XKR4: variants seen among roughly 807,000 people sequenced by gnomAD.
XKR4 encodes the protein XK-related protein 4.
A neutral mutation model predicts 53.9 loss-of-function variants in XKR4; 12 were observed. That is an observed-to-expected ratio of 0.22 (90% CI 0.14 to 0.36). The LOEUF (loss-of-function observed/expected upper bound fraction) is 0.36, where lower values mean the gene tolerates loss of function less well. Among genes scored for constraint, XKR4 ranks in the 10% least tolerant of loss-of-function variants. The pLI, the probability that XKR4 is intolerant of heterozygous loss-of-function variation, is 1.00. For missense variants in XKR4, 799 were observed against 859.5 expected (o/e 0.93, Z 0.88); for synonymous variants, 354 against 362.4 (o/e 0.98, Z 0.26).
chr8:55,342,333 T>C (rs1018471932), intron 1 of XKR4, among the ~76,000 whole-genome samples: 2 of 152,078 alleles, frequency 1.3e-5, no homozygotes, highest in Non-Finnish European at 2.9e-5. Flanking sequence ...ACAACCATCA[T>C]CACTTGCCAG....
rs909443680 is a variant in XKR4 at position 55,454,198 on chromosome 8, C to T, written c.1007-69083C>T. On this transcript the variant is annotated intron_variant, in intron 2 of 2. Coordinates refer to ENST00000327381, the MANE Select transcript of XKR4 (RefSeq NM_052898.2). Reference sequence around the variant, plus strand: ...GCGTCTGACTCTGCAGTGGCTCTAGCAAGGGTGGAATGTGCACACACTCAG... The same window carrying T: ...GCGTCTGACTCTGCAGTGGCTCTAGTAAGGGTGGAATGTGCACACACTCAG... 13 of 1,043,598 alleles carry T rather than the reference C, an allele frequency of 1.2e-5. No homozygotes were observed. In the East Asian group the frequency reaches 3.1e-4, roughly 25 times the overall value. The allele number at this position is 1,043,598 out of a possible 1,614,324, so 64.6% of individuals were successfully genotyped here. A position where few individuals can be genotyped will look rare whatever the true frequency, so the allele number is the denominator to read the frequency against.
chr8:55,495,544 C>A (rs1053427722), intron 2 of XKR4, among the ~76,000 whole-genome samples: 1 of 152,230 alleles, frequency 6.6e-6, no homozygotes, highest in Non-Finnish European at 1.5e-5. Flanking sequence ...CTCAGCCCAG[C>A]CCCATCACAG....
chr8:55,428,841 G>A (rs572634222), intron 2 of XKR4, among the ~76,000 whole-genome samples: 17 of 152,310 alleles, frequency 1.1e-4, no homozygotes, highest in African/African-American at 3.1e-4. Context: ...TAGCAAAGTC[G>A]TCAATTCTTC....
intron 2 of XKR4, among the ~76,000 whole-genome samples, chr8:55,464,263 A>G (rs1805717417): frequency 6.6e-6 from 1 of 152,168 alleles, no homozygotes; most frequent in African/African-American, 2.4e-5. Context: ...CAACACATCA[A>G]AAAGCTTATC....
At chr8:55,327,986 A>G (rs1803319075) in intron 1 of XKR4, among the ~76,000 whole-genome samples, 1 of 151,844 alleles carries the variant, frequency 6.6e-6, no homozygotes, top group Admixed American at 6.6e-5. Flanking sequence ...TCACATTCTT[A>G]TGGTTATTTG....
chr8:55,175,560 C>T (rs1042243011), intron 1 of XKR4, among the ~76,000 whole-genome samples: 2 of 152,192 alleles, frequency 1.3e-5, no homozygotes, highest in African/African-American at 4.8e-5. Flanking sequence ...AGGCACTTTA[C>T]TACATGTCTA....
At chr8:55,493,810 C>T (rs1478882769) in intron 2 of XKR4, among the ~76,000 whole-genome samples, 1 of 152,188 alleles carries the variant, frequency 6.6e-6, no homozygotes, top group Non-Finnish European at 1.5e-5. Context: ...TCTCCTTTTT[C>T]CATTTCAGGA....
At chr8:55,107,487 C>G (rs533031505) in intron 1 of XKR4, among the ~76,000 whole-genome samples, 1 of 152,290 alleles carries the variant, frequency 6.6e-6, no homozygotes, top group East Asian at 1.9e-4. Context: ...CAATAACACA[C>G]TGGTAGTTAA....
chr8:55,464,897 GA>G (rs1398086982), intron 2 of XKR4, among the ~76,000 whole-genome samples: 2 of 152,088 alleles, frequency 1.3e-5, no homozygotes, highest in Non-Finnish European at 2.9e-5. Flanking sequence ...TTGCTTCAAA[GA>G]GAATAAAATA....
At position 55,538,525 on chromosome 8, in the gene XKR4, T is replaced by C. The variant is rs1442723709; in HGVS notation, c.*14298T>C. Reference sequence around the variant, plus strand: ...AAGGTCTATGTATAATTTTCTTCAATGATTAGCTTTTTAATGAGACAACTC... The same window carrying C: ...AAGGTCTATGTATAATTTTCTTCAACGATTAGCTTTTTAATGAGACAACTC... On this transcript the variant is annotated 3_prime_UTR_variant, in exon 3 of 3. Transcript: ENST00000327381. 1 of 152,216 alleles carries C rather than the reference T, an allele frequency of 6.6e-6. No individual in the cohort carries two copies. Among genetic ancestry groups the C allele is most frequent in the Non-Finnish European group, 1.5e-5 (1 of 68,038 alleles). The allele number at this position is 152,216 out of a possible 1,614,324, so 9.4% of individuals were successfully genotyped here.
rs1314412337 is a variant in XKR4, at chr8:55,433,892, G to C, written c.1006+76015G>C. Among the ~76,000 whole-genome samples, 4 of 152,156 alleles carry C rather than the reference G, an allele frequency of 2.6e-5. No homozygotes were observed. In the East Asian group the frequency reaches 7.7e-4, roughly 29 times the overall value. The stretch of plus-strand genomic sequence containing the variant: ...AATTAAAATAAAAAACATTAACTGG[G>C]CGTGGCACACAGGCTTGTAGTCCGA... On this transcript the variant is annotated intron_variant, in intron 2 of 2. Coordinates refer to ENST00000327381, the MANE Select transcript of XKR4 (RefSeq NM_052898.2).
At chr8:55,460,668 G>A (rs1419201771) in intron 2 of XKR4, among the ~76,000 whole-genome samples, 33 of 152,134 alleles carry the variant, frequency 2.2e-4, no homozygotes, top group South Asian at 2.1e-4. Context: ...AGCATGAGCC[G>A]AAGCAGGGTG....
At chr8:55,122,722 C>A (rs915518544) in intron 1 of XKR4, among the ~76,000 whole-genome samples, 4 of 152,000 alleles carry the variant, frequency 2.6e-5, no homozygotes, top group Non-Finnish European at 5.9e-5. Context: ...ACGTGAGATG[C>A]AATAACAATT....
chr8:55,124,684 A>G (rs1816437730), intron 1 of XKR4, among the ~76,000 whole-genome samples: 1 of 152,138 alleles, frequency 6.6e-6, no homozygotes, highest in South Asian at 2.1e-4. Flanking sequence ...CATACATGCC[A>G]TCCAAACCAT....
At chr8:55,316,039 C>G (rs879344243) in intron 1 of XKR4, among the ~76,000 whole-genome samples, 1 of 152,098 alleles carries the variant, frequency 6.6e-6, no homozygotes, top group Non-Finnish European at 1.5e-5. Flanking sequence ...TCACCTACAC[C>G]GTAAAAAATC....
At chr8:55,128,316 G>T (rs1816502058) in intron 1 of XKR4, among the ~76,000 whole-genome samples, 1 of 152,172 alleles carries the variant, frequency 6.6e-6, no homozygotes, top group Admixed American at 6.5e-5. Context: ...ATATCTCATT[G>T]TAGTGCCTAA....
At chr8:55,408,532 A>C (rs1446917360) in intron 2 of XKR4, among the ~76,000 whole-genome samples, 1 of 152,184 alleles carries the variant, frequency 6.6e-6, no homozygotes, top group East Asian at 1.9e-4. Flanking sequence ...GCCCCAAAGG[A>C]ACAGACACAA....
intron 2 of XKR4, among the ~76,000 whole-genome samples, chr8:55,478,505 A>C (rs1475645189): frequency 2.0e-5 from 3 of 152,112 alleles, no homozygotes; most frequent in Admixed American, 1.3e-4. Context: ...TGAGCAAAAT[A>C]ACCAGCTAAC....
At chr8:55,246,078 G>C (rs1818282926) in intron 1 of XKR4, among the ~76,000 whole-genome samples, 1 of 152,168 alleles carries the variant, frequency 6.6e-6, no homozygotes, top group Non-Finnish European at 1.5e-5. Flanking sequence ...CTATAGCCTG[G>C]GTGACAGAGT....
Sources: gnomAD v4.1 joint callset for allele counts (sites outside exome capture counted in the v4.1 genomes callset) on GRCh38, gnomAD v4.1.1 for gene constraint, MANE v1.5 for transcripts, NCBI Gene and HGNC (gene_info 2026-07-23, HGNC 2026-07-21) for gene names.